SUCO: variants seen among roughly 807,000 people sequenced by gnomAD.
SUCO encodes the protein SUN domain-containing ossification factor.
In SUCO, 57 loss-of-function variants were observed where a neutral mutation model predicts 148.1. The ratio of observed to expected loss-of-function variants is 0.38; its 90% CI spans 0.31 to 0.48. The LOEUF is 0.48. SUCO is among the 20% of genes least tolerant of loss of function. SUCO has a pLI of 0.96. For missense variants in SUCO, 1,331 were observed against 1,468.2 expected (o/e 0.91, Z 1.53); for synonymous variants, 470 against 502.7 (o/e 0.93, Z 0.87).
chr1:172,554,538 A>G (rs1653577115), intron 3 of SUCO, among the ~76,000 whole-genome samples: 1 of 152,170 alleles, frequency 6.6e-6, no homozygotes, highest in African/African-American at 2.4e-5. Context: ...GGAGTTCGAG[A>G]CCAGCCTGGC....
At position 172,533,512 on chromosome 1, in the gene SUCO, C is replaced by T. The variant is rs1466593327; in HGVS notation, c.62+15C>T. ...TCTCTGGTCTGGTGAGTAGCCGCGA[C>T]GACAAGGGAGTTCCCGTGAGGGGAG... On this transcript the variant is annotated intron_variant, in intron 1 of 23. Coordinates refer to ENST00000263688, the MANE Select transcript of SUCO (RefSeq NM_014283.5). 4 of 1,532,912 alleles carry T rather than the reference C, an allele frequency of 2.6e-6. No individual in the cohort carries two copies. The highest frequency in any genetic ancestry group is 4.8e-5 in the East Asian group (2 of 41,382). The allele number at this position is 1,532,912 out of a possible 1,614,324, so 95.0% of individuals were successfully genotyped here. A position where few individuals can be genotyped will look rare whatever the true frequency, so the allele number is the denominator to read the frequency against.
chr1:172,567,486 A>G (rs1654637177), intron 6 of SUCO, among the ~76,000 whole-genome samples: 1 of 152,146 alleles, frequency 6.6e-6, no homozygotes, highest in Non-Finnish European at 1.5e-5. Context: ...TCAAATAAGT[A>G]TAAATAATAT....
At chr1:172,599,391 T>C (rs1466757101) in intron 19 of SUCO, 1 of 762,136 alleles carries the variant, frequency 1.3e-6, no homozygotes, top group East Asian at 1.3e-4. Flanking sequence ...ATAACTATGA[T>C]TGTGATGTAG....
At chr1:172,609,361 T>C (rs1658065860) in intron 23 of SUCO, 1 of 982,534 alleles carries the variant, frequency 1.0e-6, no homozygotes, top group African/African-American at 1.7e-5. Context: ...ACTTGGGCTT[T>C]GTAGGCAAAT....
At position 172,610,383 on chromosome 1, in the gene SUCO, T is replaced by TTTC. The variant is rs1482700246; in HGVS notation, c.*126_*128dup. ...TGGGAAAGGCATTCAGAAATTATGG[T>TTTC]TTCTACCTTTTTAAAAAGTAGATGG... On this transcript the variant is annotated 3_prime_UTR_variant, in exon 24 of 24. Coordinates refer to ENST00000263688, the MANE Select transcript of SUCO (RefSeq NM_014283.5). 4.3e-6 allele frequency: 6 copies of TTTC among 1,394,776 alleles called. No individual in the cohort carries two copies. The African/African-American group carries it at 8.8e-5, about 21-fold the overall frequency. The allele number at this position is 1,394,776 out of a possible 1,614,324, so 86.4% of individuals were successfully genotyped here.
intron 6 of SUCO, among the ~76,000 whole-genome samples, chr1:172,562,813 G>A (rs561144850): frequency 6.6e-6 from 1 of 152,204 alleles, no homozygotes; most frequent in Middle Eastern, 3.4e-3. Context: ...GCTCTGTGTC[G>A]CCACCCAAAC....
chr1:172,551,671 TGA>T (rs748397904), intron 2 of SUCO, 45 bp downstream of exon 2: 2 of 1,228,290 alleles, frequency 1.6e-6, no homozygotes, highest in Non-Finnish European at 2.3e-6. Context: ...GTCAGCTTTC[TGA>T]GAGTGTCTGA....
At chr1:172,583,202 A>C (rs1655999554) in intron 15 of SUCO, among the ~76,000 whole-genome samples, 1 of 151,902 alleles carries the variant, frequency 6.6e-6, no homozygotes, top group Non-Finnish European at 1.5e-5. Flanking sequence ...TTTATGAGGG[A>C]ATACGGAGTT....
intron 14 of SUCO, chr1:172,578,597 T>A: frequency 1.1e-6 from 1 of 932,380 alleles, no homozygotes; most frequent in Middle Eastern, 5.5e-4. Flanking sequence ...AGCTTATCTA[T>A]CACTTATTTG....
At chr1:172,598,288 G>T (rs967500602) in intron 19 of SUCO, among the ~76,000 whole-genome samples, 2 of 152,104 alleles carry the variant, frequency 1.3e-5, no homozygotes, top group African/African-American at 4.8e-5. Context: ...CTGGGCTTTT[G>T]TTCTATTGAT....
At chr1:172,590,243 A>T in intron 18 of SUCO, 1 of 757,402 alleles carries the variant, frequency 1.3e-6, no homozygotes, top group African/African-American at 1.9e-5. Flanking sequence ...CTTGATTCCC[A>T]GAGGGCTCAT....
At chr1:172,536,756 G>A (rs545577227) in intron 1 of SUCO, among the ~76,000 whole-genome samples, 1 of 152,246 alleles carries the variant, frequency 6.6e-6, no homozygotes, top group African/African-American at 2.4e-5. Context: ...AACTGGGCTC[G>A]TTCTTTTTGG....
At chr1:172,584,235 C>G (rs1327636452) in intron 15 of SUCO, 11 of 179,492 alleles carry the variant, frequency 6.1e-5, no homozygotes, top group African/African-American at 9.6e-5. Context: ...TTTGGATAAT[C>G]TCTGTTTTGT....
chr1:172,572,417 C>T (rs930633048), intron 9 of SUCO, among the ~76,000 whole-genome samples: 1 of 151,900 alleles, frequency 6.6e-6, no homozygotes, highest in Non-Finnish European at 1.5e-5. Context: ...CCTGTGCTCC[C>T]TGAAACATGT....
At chr1:172,542,829 G>A (rs12087284) in intron 1 of SUCO, 567,808 of 984,750 alleles carry the variant, frequency 0.58, 164,611 homozygotes, top group African/African-American at 0.71. Flanking sequence ...TGGAAAGGAT[G>A]GATGGAAAGA....
chr1:172,533,873 G>C (rs1477772292), intron 1 of SUCO, among the ~76,000 whole-genome samples: 2 of 152,146 alleles, frequency 1.3e-5, no homozygotes, highest in South Asian at 2.1e-4. Flanking sequence ...TCTTAGTGTG[G>C]TAAGGGGATA....
chr1:172,553,475 C>A lies in SUCO; in HGVS notation c.288+105C>A, dbSNP rs58899638. 0.011 allele frequency: 7,131 copies of A among 654,448 alleles called. 349 individuals are homozygous for A. In the African/African-American group the frequency reaches 0.11, roughly 10 times the overall value. The allele number at this position is 654,448 out of a possible 1,614,324, so 40.5% of individuals were successfully genotyped here. A position where few individuals can be genotyped will look rare whatever the true frequency, so the allele number is the denominator to read the frequency against. ...TGTGTGTGTATTGTTAGTTTTTTCA[C>A]TTTGAGGTACTCTGTAACTGGACTT... is the stretch of plus-strand genomic sequence containing the variant. On this transcript the variant is annotated intron_variant, in intron 3 of 23. Transcript: ENST00000263688.
chr1:172,549,778 G>A (rs886357175), intron 1 of SUCO, among the ~76,000 whole-genome samples: 32 of 151,046 alleles, frequency 2.1e-4, no homozygotes, highest in African/African-American at 7.5e-4. Flanking sequence ...TAGACACATA[G>A]TTGTAACATA....
At chr1:172,550,840 T>C in intron 1 of SUCO, 1 of 924,766 alleles carries the variant, frequency 1.1e-6, no homozygotes, top group Non-Finnish European at 1.3e-6. Flanking sequence ...AATCGTAACA[T>C]ATTTTTCCTT....
Sources: allele counts gnomAD v4.1 joint callset (sites outside exome capture counted in the v4.1 genomes callset), GRCh38; gene constraint gnomAD v4.1.1; transcripts MANE v1.5; gene names NCBI Gene and HGNC (gene_info 2026-07-23, HGNC 2026-07-21).